CDK11B: variants seen among roughly 807,000 people sequenced by gnomAD.
The protein encoded by CDK11B is cyclin-dependent kinase 11B.
In CDK11B, 37 loss-of-function variants were observed where a neutral mutation model predicts 84.0. That is an observed-to-expected ratio of 0.44 (90% CI 0.34 to 0.58). The LOEUF (loss-of-function observed/expected upper bound fraction) is 0.58, where lower values mean the gene tolerates loss of function less well. CDK11B is among the 20% of genes least tolerant of loss of function. The probability of loss-of-function intolerance (pLI) is 0.02; values close to 1 mark genes in which losing one functional copy is unlikely to be tolerated. For missense variants in CDK11B, 427 were observed against 834.0 expected, an observed-to-expected ratio of 0.51 and a Z score of 6.01; for synonymous variants, 269 against 309.8, an observed-to-expected ratio of 0.87 and a Z score of 1.38.
intron 3 of CDK11B, among the ~76,000 whole-genome samples, chr1:1,653,854 ACACACACAC>A (rs1642359136): frequency 4.7e-5 from 7 of 150,468 alleles, no homozygotes; most frequent in East Asian, 2.0e-4. Flanking sequence ...ACACACACAC[ACACACACAC>A]CCGAGCGTGG....
chr1:1,654,976 G>A (rs769443756), intron 3 of CDK11B, among the ~76,000 whole-genome samples: 2 of 151,950 alleles, frequency 1.3e-5, no homozygotes, highest in Non-Finnish European at 2.9e-5. Context: ...CTTTTAAGAC[G>A]GGGTTTCACC....
rs928390320 is a variant in CDK11B at position 1,637,221 on chromosome 1, C to G, written c.1571-19G>C. ...ACCTCCCCTGGGAGGGAGGGAAGCT[C>G]CCATGTGGACCTGGCTGCCCCCAGC... On this transcript the variant is annotated intron_variant, in intron 14 of 19. Coordinates refer to ENST00000341832, the MANE Select transcript of CDK11B (RefSeq NM_033486.3). The G allele has an allele frequency of 5.0e-6, 8 of 1,612,020 alleles. No individual in the cohort carries two copies. Among genetic ancestry groups the G allele is most frequent in the Non-Finnish European group, 5.9e-6 (7 of 1,179,420 alleles).
At chr1:1,636,837 C>G (rs377480613) in intron 16 of CDK11B, 39 bp from the exon 17 acceptor site, 7 of 1,613,092 alleles carry the variant, frequency 4.3e-6, no homozygotes, top group Non-Finnish European at 5.9e-6. Context: ...GGCCAGTGCC[C>G]GCGAAGCTGT....
At chr1:1,657,340 T>C (rs370339555) in intron 2 of CDK11B, 35 bp downstream of exon 2, 77 of 1,613,530 alleles carry the variant, frequency 4.8e-5, no homozygotes, top group Non-Finnish European at 6.4e-5. Context: ...TAAATCTCCT[T>C]TAAGAAAACC....
At chr1:1,649,729 C>T (rs1489110224) in intron 4 of CDK11B, 92 bp from the exon 5 acceptor site, 2 of 1,292,562 alleles carry the variant, frequency 1.5e-6, no homozygotes, top group African/African-American at 1.5e-5. Context: ...AATCCTAGCA[C>T]TTTGGGAGGC....
At position 1,637,801 on chromosome 1, in the gene CDK11B, G is replaced by A. The variant is rs1639609924; in HGVS notation, c.1425C>T (p.Thr475=). The A allele has an allele frequency of 3.1e-6, 5 of 1,613,730 alleles. 1 individual carries two copies. In the Middle Eastern group the frequency reaches 5.0e-4, roughly 160 times the overall value. ...FPITSLREIN[T]ILKAQHPNIV... ...TGTTGGGATGCTGGGCCTTGAGGAT[G>A]GTGTTGATCTCCCTCAGCGACGTGA... The change falls in exon 13 of 20, where the codon ACC becomes ACT. Residue 475 remains threonine, a synonymous_variant. Transcript: ENST00000341832.
At chr1:1,649,055 G>A (rs1244073012) in intron 5 of CDK11B, among the ~76,000 whole-genome samples, 1 of 151,392 alleles carries the variant, frequency 6.6e-6, no homozygotes, top group South Asian at 2.1e-4. Flanking sequence ...CTCGTCCAGC[G>A]TTCACTGTGC....
intron 4 of CDK11B, among the ~76,000 whole-genome samples, chr1:1,650,658 C>T (rs1231892371): frequency 3.8e-4 from 52 of 136,192 alleles, no homozygotes; most frequent in Non-Finnish European, 7.3e-4. Context: ...AGCCACCGCG[C>T]CCGGCCTTTT....
At chr1:1,640,224 G>A (rs1215721011) in intron 11 of CDK11B, 53 bp downstream of exon 11, 7 of 1,600,808 alleles carry the variant, frequency 4.4e-6, no homozygotes, top group Non-Finnish European at 6.0e-6. Context: ...AGCCCCTGTG[G>A]TAACTCCGAC....
At position 1,658,921 on chromosome 1, in the gene CDK11B, C is replaced by G. The variant is rs950271569; in HGVS notation, c.-21G>C. The stretch of plus-strand genomic sequence containing the variant: ...CGCCCAGTCGGAACTCACCCCTACG[C>G]CGCCGCCGCTGCCGCCGCCGCCGCC... On this transcript the variant is annotated 5_prime_UTR_variant, in exon 1 of 20. Transcript: ENST00000341832. 5 of 193,268 alleles carry G rather than the reference C, an allele frequency of 2.6e-5. No homozygotes were observed. Among genetic ancestry groups the G allele is most frequent in the African/African-American group, 4.8e-5 (2 of 41,792 alleles). The allele number at this position is 193,268 out of a possible 1,614,324, so 12.0% of individuals were successfully genotyped here.
In CDK11B at chr1:1,640,316, C is replaced by T. The variant is rs1313627510; in HGVS notation, c.1212G>A (p.Glu404=). 6.2e-7 allele frequency: 1 copy of T among 1,613,670 alleles called. No individual in the cohort carries two copies. The highest frequency in any genetic ancestry group is 2.2e-5 in the East Asian group (1 of 44,878). Residue 404 remains glutamate, a synonymous_variant, in exon 11 of 20, where the codon GAG becomes GAA. Transcript: ENST00000341832. ...VPDSPALSPI[E]LKQELPKYLP... ...GGTACTTGGGCAGCTCCTGCTTGAG[C>T]TCGATGGGCGACAGGGCAGGGGAGT...
chr1:1,639,682 T>C (rs569420537), intron 11 of CDK11B, among the ~76,000 whole-genome samples: 1,675 of 151,954 alleles, frequency 0.011, 22 homozygotes, highest in African/African-American at 0.038. Context: ...GCCTGCTGCA[T>C]GCGCCAGAGA....
At position 1,637,167 on chromosome 1, in the gene CDK11B, C is replaced by T. The variant is rs1639462013; in HGVS notation, c.1606G>A (p.Gly536Arg). The T allele has an allele frequency of 6.2e-7, 1 of 1,613,602 alleles. No homozygotes were observed. The highest frequency in any genetic ancestry group is 8.5e-7 in the Non-Finnish European group (1 of 1,179,858). ...CAGTTGTCGTGCAGGTGTTTCACCC[C>T]ACGCAGCAGCTGGATCATCAGGGTC... Reference protein sequence around the residue: ...VKTLMIQLLRGVKHLHDNWIL... With the variant: ...VKTLMIQLLRRVKHLHDNWIL... Residue 536 changes from glycine to arginine, a missense_variant, in exon 15 of 20, where the codon GGG becomes AGG. Transcript: ENST00000341832.
Position 1,649,316 on chromosome 1 carries a change from T to C in CDK11B, c.494+183A>G, listed in dbSNP as rs1478880972. Among the ~76,000 whole-genome samples the C allele has an allele frequency of 1.6e-4, 25 of 151,972 alleles. No homozygotes were observed. In the South Asian group the frequency reaches 5.2e-3, roughly 32 times the overall value. ...CGGGGTTTCACCATGTCAGCCAGGATGGTCTCCATCTCCTCACCTCATGAT... is the reference window on the plus strand; with the variant it reads ...CGGGGTTTCACCATGTCAGCCAGGACGGTCTCCATCTCCTCACCTCATGAT... On this transcript the variant is annotated intron_variant, in intron 5 of 19. Coordinates refer to ENST00000341832, the MANE Select transcript of CDK11B (RefSeq NM_033486.3).
In CDK11B at chr1:1,637,023, G is replaced by A. The variant is rs568806521; in HGVS notation, c.1693-19C>T. 10 of 1,613,026 alleles carry A rather than the reference G, an allele frequency of 6.2e-6. No individual in the cohort carries two copies. The highest frequency in any genetic ancestry group is 2.7e-5 in the African/African-American group (2 of 75,014). On this transcript the variant is annotated intron_variant, in intron 15 of 19. Transcript: ENST00000341832. ...CACCCACCTGCAACGACAGATGGGC[G>A]GCTGTGAGTGGGCCCCGGCAGGTCT... is the stretch of plus-strand genomic sequence containing the variant.
intron 4 of CDK11B, among the ~76,000 whole-genome samples, chr1:1,651,777 C>T (rs1642045858): frequency 6.6e-6 from 1 of 151,878 alleles, no homozygotes; most frequent in African/African-American, 2.4e-5. Flanking sequence ...TGGTCTGTAA[C>T]ACACGCACGC....
intron 4 of CDK11B, among the ~76,000 whole-genome samples, chr1:1,650,503 C>G (rs1189120062): frequency 6.7e-6 from 1 of 150,070 alleles, no homozygotes; most frequent in Non-Finnish European, 1.5e-5. Context: ...GTAGCTGGTA[C>G]TACAGGCGCC....
Position 1,636,987 on chromosome 1 carries a change from C to A in CDK11B, c.1710G>T (p.Leu570=). The stretch of plus-strand genomic sequence containing the variant: ...TCAGAGGGGATCCGTACTCCCGCGC[C>A]AGCCCGAAGTCACCCACCTGCAACG... ...AGILKVGDFG[L]AREYGSPLKA... Residue 570 remains leucine, a synonymous_variant, in exon 16 of 20, where the codon CTG becomes CTT. Transcript: ENST00000341832. 1.2e-6 allele frequency: 2 copies of A among 1,611,932 alleles called. No homozygotes were observed. The highest frequency in any genetic ancestry group is 1.7e-6 in the Non-Finnish European group (2 of 1,178,898).
chr1:1,657,901 T>C (rs1324352505), intron 1 of CDK11B, among the ~76,000 whole-genome samples: 23 of 107,662 alleles, frequency 2.1e-4, no homozygotes, highest in Non-Finnish European at 1.1e-4. Flanking sequence ...TAAGACTTGG[T>C]TAAAAAAAAA....
Sources: allele counts gnomAD v4.1 joint callset (sites outside exome capture counted in the v4.1 genomes callset), GRCh38; gene constraint gnomAD v4.1.1; transcripts MANE v1.5; gene names NCBI Gene and HGNC (gene_info 2026-07-23, HGNC 2026-07-21).